SMARCAL1: variants seen among roughly 807,000 people sequenced by gnomAD.
The protein encoded by SMARCAL1 is SNF2 related chromatin remodeling annealing helicase 1.
Under a neutral mutation model 94.5 loss-of-function variants are expected in SMARCAL1, and 58 were observed. The observed-to-expected ratio is 0.61, with a 90% CI of 0.50 to 0.76. The LOEUF is 0.76. Among genes scored for constraint, SMARCAL1 ranks in the 30% least tolerant of loss-of-function variants. The pLI is 0.00. For synonymous variants in SMARCAL1, 422 were observed against 455.1 expected (o/e 0.93, Z 0.93); for missense variants, 1,051 against 1,177.9 (o/e 0.89, Z 1.58).
intron 7 of SMARCAL1, among the ~76,000 whole-genome samples, chr2:216,431,096 A>G (rs1693953451): frequency 6.6e-6 from 1 of 152,248 alleles, no homozygotes; most frequent in African/African-American, 2.4e-5. Context: ...CCCAGGCTGC[A>G]GGGAGAACAG....
At chr2:216,442,776 A>C (rs1439080212) in intron 10 of SMARCAL1, among the ~76,000 whole-genome samples, 1 of 152,212 alleles carries the variant, frequency 6.6e-6, no homozygotes, top group Non-Finnish European at 1.5e-5. Flanking sequence ...CTTTTGATGG[A>C]TTTGTAACCA....
chr2:216,481,972 G>C (rs768900706), intron 17 of SMARCAL1, among the ~76,000 whole-genome samples: 7 of 152,192 alleles, frequency 4.6e-5, no homozygotes, highest in Non-Finnish European at 8.8e-5. Flanking sequence ...TGTATCCACT[G>C]GGCATGGTTT....
intron 12 of SMARCAL1, among the ~76,000 whole-genome samples, chr2:216,461,710 G>A (rs1694709888): frequency 6.6e-6 from 1 of 151,946 alleles, no homozygotes; most frequent in African/African-American, 2.4e-5. Context: ...TGTACCTGTA[G>A]TCCCAGCTAC....
chr2:216,429,286 T>A (rs12611945), intron 7 of SMARCAL1, among the ~76,000 whole-genome samples: 5,327 of 152,294 alleles, frequency 0.035, 204 homozygotes, highest in East Asian at 0.16. Flanking sequence ...GGAGCCAGTC[T>A]TTGTGGCCTT....
In SMARCAL1 at chr2:216,418,672, A is replaced by G. The variant is rs762897854; in HGVS notation, c.863-1627A>G. ...AAAAACCATCCCCCGTAATCTCCCC[A>G]CTCAACTAACCATTATTAACATTTT... On this transcript the variant is annotated intron_variant, in intron 4 of 17. Transcript: ENST00000357276. Among the ~76,000 whole-genome samples, 53 of 152,046 alleles carry G rather than the reference A, an allele frequency of 3.5e-4. 1 individual carries two copies. Among genetic ancestry groups the G allele is most frequent in the Non-Finnish European group, 1.3e-4 (9 of 68,000 alleles).
chr2:216,455,885 G>A (rs141319254), intron 12 of SMARCAL1, among the ~76,000 whole-genome samples: 1,918 of 152,348 alleles, frequency 0.013, 40 homozygotes, highest in African/African-American at 0.044. Context: ...GAAGGCTTCA[G>A]ATGATCAGAT....
At position 216,464,766 on chromosome 2, in the gene SMARCAL1, A is replaced by G. The variant is rs1694795714; in HGVS notation, c.2141+99A>G. ...CTGCCTGAATGATTTTACTGCGTCT[A>G]AGAAATGACCAGAGATTATTAAATG... On this transcript the variant is annotated intron_variant, in intron 13 of 17. Transcript: ENST00000357276. The G allele has an allele frequency of 9.3e-6, 8 of 864,154 alleles. No homozygotes were observed. The Admixed American group carries it at 1.2e-4, about 13-fold the overall frequency. The allele number at this position is 864,154 out of a possible 1,614,324, so 53.5% of individuals were successfully genotyped here.
chr2:216,418,281 C>T lies in SMARCAL1; in HGVS notation c.862+1974C>T, dbSNP rs141937516. 3.9e-5 allele frequency among the ~76,000 whole-genome samples: 6 copies of T among 152,234 alleles called. No homozygotes were observed. The East Asian group carries it at 9.6e-4, about 24-fold the overall frequency. ...CCATGTTTATTGGATACAAAATTCT[C>T]CATATATACTTCTCAATGAAGCTCA... On this transcript the variant is annotated intron_variant, in intron 4 of 17. Transcript: ENST00000357276.
In SMARCAL1 at chr2:216,416,279, C is replaced by T. The variant is rs1239440992; in HGVS notation, c.834C>T (p.Asn278=). Residue 278 remains asparagine (N), a synonymous_variant, in exon 4 of 18, where the codon AAC becomes AAT. Coordinates refer to ENST00000357276, the MANE Select transcript of SMARCAL1 (RefSeq NM_014140.4). ...KNYDPDTKTW[N]FSMNDYSALM... Reference sequence around the variant, plus strand: ...CAGATCCTGACACCAAGACGTGGAACTTCAGCATGAATGACTATAGTGCCC... The same window carrying T: ...CAGATCCTGACACCAAGACGTGGAATTTCAGCATGAATGACTATAGTGCCC... 6.2e-7 allele frequency: 1 copy of T among 1,613,726 alleles called. No individual in the cohort carries two copies. Among genetic ancestry groups the T allele is most frequent in the African/African-American group, 1.3e-5 (1 of 74,904 alleles).
At chr2:216,461,942 A>T (rs1192526038) in intron 12 of SMARCAL1, among the ~76,000 whole-genome samples, 1 of 152,192 alleles carries the variant, frequency 6.6e-6, no homozygotes, top group East Asian at 1.9e-4. Context: ...ATTGCTCACT[A>T]TTCTGAGTAA....
intron 6 of SMARCAL1, among the ~76,000 whole-genome samples, chr2:216,424,468 A>G (rs747487740): frequency 5.3e-5 from 8 of 152,200 alleles, no homozygotes; most frequent in Non-Finnish European, 8.8e-5. Context: ...TGGGCCTCCC[A>G]AACCAAGGAA....
intron 9 of SMARCAL1, among the ~76,000 whole-genome samples, chr2:216,437,400 C>T (rs1694102477): frequency 6.6e-6 from 1 of 152,144 alleles, no homozygotes; most frequent in South Asian, 2.1e-4. Flanking sequence ...CTCATGATAG[C>T]TGAAATGGAA....
In SMARCAL1 at chr2:216,478,310, C is replaced by T. The variant is rs1248591725; in HGVS notation, c.2625+11C>T. ...GATTACCTCTACAAGGTAATGCCAGCACATGGCTCTTCACCCCTGGAGCAG... is the reference window on the plus strand; with the variant it reads ...GATTACCTCTACAAGGTAATGCCAGTACATGGCTCTTCACCCCTGGAGCAG... On this transcript the variant is annotated intron_variant, in intron 17 of 17. Coordinates refer to ENST00000357276, the MANE Select transcript of SMARCAL1 (RefSeq NM_014140.4). 2.5e-6 allele frequency: 4 copies of T among 1,594,026 alleles called. No individual in the cohort carries two copies. The highest frequency in any genetic ancestry group is 3.4e-6 in the Non-Finnish European group (4 of 1,161,972).
intron 11 of SMARCAL1, among the ~76,000 whole-genome samples, chr2:216,450,018 G>A (rs113115277): frequency 0.097 from 14,672 of 151,992 alleles, 875 homozygotes; most frequent in South Asian, 0.19. Flanking sequence ...TGTATGTTTA[G>A]TAGAGATAGG....
intron 1 of SMARCAL1, chr2:216,413,057 C>T (rs1693501093): frequency 1.3e-5 from 2 of 151,210 alleles, no homozygotes; most frequent in South Asian, 2.1e-4. Flanking sequence ...TGCTGTGCAC[C>T]TCCAAAACCT....
chr2:216,435,526 T>C, intron 9 of SMARCAL1, 30 bp downstream of exon 9: 1 of 1,594,358 alleles, frequency 6.3e-7, no homozygotes, highest in Non-Finnish European at 8.6e-7. Flanking sequence ...CTTTAAGTAC[T>C]TTATCTCTCT....
At chr2:216,414,452 T>G in intron 2 of SMARCAL1, 195 bp from the exon 3 acceptor site, 1 of 472,646 alleles carries the variant, frequency 2.1e-6, no homozygotes, top group Non-Finnish European at 3.8e-6. Flanking sequence ...GCTTTTTGCT[T>G]TTTGATCAGG....
chr2:216,480,091 C>T lies in SMARCAL1; in HGVS notation c.2625+1792C>T, dbSNP rs1410985146. ...AGAAAGCCTATTTTTAAAGGATTCT[C>T]ACTTGAACTCATTTATTCCTCCTTG... is the stretch of plus-strand genomic sequence containing the variant. On this transcript the variant is annotated intron_variant, in intron 17 of 17. Transcript: ENST00000357276. Among the ~76,000 whole-genome samples the T allele has an allele frequency of 2.6e-5, 4 of 152,162 alleles. No homozygotes were observed. In the East Asian group the frequency reaches 7.7e-4, roughly 29 times the overall value.
At chr2:216,443,350 G>A (rs1442389577) in intron 10 of SMARCAL1, among the ~76,000 whole-genome samples, 1 of 122,736 alleles carries the variant, frequency 8.1e-6, no homozygotes, top group Non-Finnish European at 1.6e-5. Context: ...CTGGGTGACA[G>A]AGTGACACTC....
Sources: allele counts gnomAD v4.1 joint callset (sites outside exome capture counted in the v4.1 genomes callset), GRCh38; gene constraint gnomAD v4.1.1; transcripts MANE v1.5; gene names NCBI Gene and HGNC (gene_info 2026-07-23, HGNC 2026-07-21).